The following LRP2 variants were observed in gnomAD, a reference collection of about 807,000 sequenced individuals.
The protein encoded by LRP2 is LDL receptor related protein 2.
LRP2 carries 172 observed loss-of-function variants against 531.0 expected under a neutral mutation model. The observed-to-expected ratio is 0.32, with a 90% CI of 0.29 to 0.37. The LOEUF (loss-of-function observed/expected upper bound fraction) is 0.37, where lower values mean the gene tolerates loss of function less well. LRP2 is among the 10% of genes least tolerant of loss of function. The probability of loss-of-function intolerance (pLI) is 1.00; values close to 1 mark genes in which losing one functional copy is unlikely to be tolerated. For missense variants in LRP2, 5,167 were observed against 5,868.3 expected (o/e 0.88, Z 3.90); for synonymous variants, 1,992 against 2,027.6 (o/e 0.98, Z 0.47).
chr2:169,172,076 A>T lies in LRP2; in HGVS notation c.11202T>A (p.Pro3734=), dbSNP rs1315732958. 1 of 1,614,184 alleles carries T rather than the reference A, an allele frequency of 6.2e-7. No individual in the cohort carries two copies. Among genetic ancestry groups the T allele is most frequent in the South Asian group, 1.1e-5 (1 of 91,092 alleles). The change falls in exon 58 of 79, where the codon CCT becomes CCA. Residue 3734 remains proline, a synonymous_variant. Transcript: ENST00000649046. ...DFRCKNHHCI[P]LRWQCDGQND... ...TTTGCCCATCACACTGCCAACGAAG[A>T]GGGATGCAGTGGTGATTTTTACAGC... is the stretch of plus-strand genomic sequence containing the variant.
chr2:169,318,999 G>T, intron 2 of LRP2, 115 bp from the exon 3 acceptor site: 1 of 1,328,492 alleles, frequency 7.5e-7, no homozygotes, highest in Non-Finnish European at 1.1e-6. Context: ...TTATTTGAAG[G>T]CAAATAGTAA....
At position 169,242,943 on chromosome 2, in the gene LRP2, A is replaced by T. The variant is rs116697309; in HGVS notation, c.3667+13T>A. 37,559 of 1,579,146 alleles carry T rather than the reference A, an allele frequency of 0.024. 724 individuals carry two copies. Among genetic ancestry groups the T allele is most frequent in the African/African-American group, 0.075 (5,550 of 74,088 alleles). ...CCCCTTTGTCTGAAACATTCTGGGT[A>T]TGTGTTACTTACGACAGCCTGCTTC... is the stretch of plus-strand genomic sequence containing the variant. On this transcript the variant is annotated intron_variant, in intron 24 of 78. Coordinates refer to ENST00000649046, the MANE Select transcript of LRP2 (RefSeq NM_004525.3).
chr2:169,187,847 G>A (rs1167808257), intron 49 of LRP2, 123 bp downstream of exon 49: 72 of 1,082,600 alleles, frequency 6.7e-5, no homozygotes, highest in Non-Finnish European at 2.8e-6. Context: ...GCTATATCAG[G>A]AATAGTGATT....
At chr2:169,280,543 C>T in intron 10 of LRP2, 24 bp from the exon 11 acceptor site, 1 of 1,611,314 alleles carries the variant, frequency 6.2e-7, no homozygotes, top group Non-Finnish European at 8.5e-7. Flanking sequence ...AGGAAGGCAT[C>T]ACCACTCCTT....
intron 1 of LRP2, among the ~76,000 whole-genome samples, chr2:169,330,404 C>A (rs528178105): frequency 5.3e-5 from 8 of 152,158 alleles, no homozygotes; most frequent in Non-Finnish European, 1.0e-4. Flanking sequence ...GAGATTTAAA[C>A]TGAGCCATTT....
chr2:169,187,690 C>A (rs1477778091), intron 49 of LRP2, among the ~76,000 whole-genome samples: 3 of 152,220 alleles, frequency 2.0e-5, no homozygotes, highest in Non-Finnish European at 4.4e-5. Flanking sequence ...TCCCTTCATT[C>A]TTGAGTACCT....
At chr2:169,361,306 GTCTCTGTCTCTCTGTCTCTCTCTGTCTC>G (rs1686142672) in intron 1 of LRP2, among the ~76,000 whole-genome samples, 4 of 140,378 alleles carry the variant, frequency 2.8e-5, no homozygotes, top group Admixed American at 2.1e-4. Flanking sequence ...CCTCGGCCGG[GTCTCTGTCTCTCTGTCTCTCTCTGTCTC>G]TCTCTGTCTC....
intron 51 of LRP2, 111 bp downstream of exon 51, chr2:169,182,056 A>G: frequency 7.1e-7 from 1 of 1,414,734 alleles, no homozygotes; most frequent in Non-Finnish European, 1.0e-6. Flanking sequence ...AAAGCAGAAG[A>G]CAAACCCCAG....
chr2:169,247,344 A>G, intron 20 of LRP2, 34 bp downstream of exon 20: 1 of 1,611,590 alleles, frequency 6.2e-7, no homozygotes. Flanking sequence ...AAACCCATAC[A>G]AAAAAATAAA....
intron 1 of LRP2, among the ~76,000 whole-genome samples, chr2:169,347,408 G>A (rs1007683211): frequency 1.2e-4 from 19 of 152,084 alleles, no homozygotes; most frequent in African/African-American, 4.3e-4. Flanking sequence ...CTCTCACTTG[G>A]TTGTTCATTT....
chr2:169,151,476 G>T (rs903605515), intron 67 of LRP2, among the ~76,000 whole-genome samples: 1 of 152,026 alleles, frequency 6.6e-6, no homozygotes, highest in African/African-American at 2.4e-5. Flanking sequence ...GGCACGGTGG[G>T]GCTGGTGCCT....
rs151017401 is a variant in LRP2, at chr2:169,220,505, G to A, written c.5597C>T (p.Thr1866Ile). ...AATTGGAAAGCCAACTCCAAGAGCT[G>A]TCCCATCATTGGCAATCAATGTTTT... ...YRKTLIANDGTALGVGFPIGI... is the reference protein window; with the variant it reads ...YRKTLIANDGIALGVGFPIGI... Residue 1866 changes from threonine (T) to isoleucine (I), a missense_variant, in exon 34 of 79, where the codon ACA (threonine) becomes ATA (isoleucine). This residue lies in a region of LRP2 where 2,811 missense variants were observed against 3,058.0 expected (regional missense o/e 0.92). Transcript: ENST00000649046. The A allele has an allele frequency of 1.2e-6, 2 of 1,613,472 alleles. No individual in the cohort carries two copies. Among genetic ancestry groups the A allele is most frequent in the African/African-American group, 2.7e-5 (2 of 74,894 alleles).
rs763963014 is a variant in LRP2 at position 169,236,018 on chromosome 2, C to T, written c.4742G>A (p.Arg1581Gln). ...GCGCATGCTGCCGTCCATGCTGGCT[C>T]GCTCGATGCGAGGGTGGTGGCCCCA... ...SDWGHHPRIE[R>Q]ASMDGSMRTV... is the part of the protein sequence containing the mutation. Residue 1581 changes from arginine to glutamine, a missense_variant, in exon 29 of 79, where the codon CGA becomes CAA. This residue lies in a region of LRP2 where 2,811 missense variants were observed against 3,058.0 expected (regional missense o/e 0.92). Coordinates refer to ENST00000649046, the MANE Select transcript of LRP2 (RefSeq NM_004525.3). 5.6e-6 allele frequency: 9 copies of T among 1,614,024 alleles called. No individual in the cohort carries two copies. The highest frequency in any genetic ancestry group is 1.7e-5 in the Admixed American group (1 of 60,008).
chr2:169,324,775 T>A (rs984540458), intron 1 of LRP2, among the ~76,000 whole-genome samples: 6 of 152,194 alleles, frequency 3.9e-5, no homozygotes, highest in African/African-American at 1.4e-4. Flanking sequence ...GCCTGTTTGT[T>A]TTCCACAGCA....
At chr2:169,207,465 G>A (rs1244760896) in intron 38 of LRP2, among the ~76,000 whole-genome samples, 1 of 152,188 alleles carries the variant, frequency 6.6e-6, no homozygotes. Flanking sequence ...GAGAGAAAGT[G>A]CCTATCTTCA....
intron 4 of LRP2, among the ~76,000 whole-genome samples, chr2:169,297,475 T>A (rs1684159922): frequency 6.6e-6 from 1 of 152,154 alleles, no homozygotes. Flanking sequence ...AATGGAAAGA[T>A]CAACAAGTAG....
intron 71 of LRP2, among the ~76,000 whole-genome samples, chr2:169,141,310 TCCTCATC>T (rs1407584868): frequency 6.6e-6 from 1 of 152,280 alleles, no homozygotes; most frequent in East Asian, 1.9e-4. Context: ...ACTCACCCCA[TCCTCATC>T]CCTCTTCCTC....
intron 17 of LRP2, among the ~76,000 whole-genome samples, chr2:169,258,288 T>C (rs1314636199): frequency 6.6e-6 from 1 of 152,076 alleles, no homozygotes; most frequent in Non-Finnish European, 1.5e-5. Context: ...CTTAGATTCA[T>C]TCTCTCTAAA....
At position 169,162,489 on chromosome 2, in the gene LRP2, G is replaced by A. The variant is rs143400476; in HGVS notation, c.11870C>T (p.Ser3957Phe). The A allele has an allele frequency of 1.7e-4, 271 of 1,614,118 alleles. No homozygotes were observed. The African/African-American group carries it at 3.3e-3, about 20-fold the overall frequency. ...CDDADDCGDW[S>F]DELGCNKGKE... ...TTACTTACTGCAACCCAGTTCATCGGACCAGTCACCACAGTCATCGGCATC... is the reference window on the plus strand; with the variant it reads ...TTACTTACTGCAACCCAGTTCATCGAACCAGTCACCACAGTCATCGGCATC... Residue 3957 changes from serine (S) to phenylalanine (F), a missense_variant, in exon 63 of 79, where the codon TCC (serine) becomes TTC (phenylalanine). Coordinates refer to ENST00000649046, the MANE Select transcript of LRP2 (RefSeq NM_004525.3).
Sources: gnomAD v4.1 joint callset for allele counts (sites outside exome capture counted in the v4.1 genomes callset) on GRCh38, gnomAD v4.1.1 for gene constraint, gnomAD v4.1.1 regional missense constraint, MANE v1.5 for transcripts, NCBI Gene and HGNC (gene_info 2026-07-23, HGNC 2026-07-21) for gene names.